Variants in HOMER2 observed in about 807,000 individuals in gnomAD.
HOMER2 encodes the protein homer scaffold protein 2.
A neutral mutation model predicts 47.0 loss-of-function variants in HOMER2; 27 were observed. That is an observed-to-expected ratio of 0.57 (90% CI 0.42 to 0.79). HOMER2 has a LOEUF of 0.79. HOMER2 is among the 30% of genes least tolerant of loss of function. The probability of loss-of-function intolerance (pLI) is 0.00; values close to 1 mark genes in which losing one functional copy is unlikely to be tolerated. For missense variants in HOMER2, 443 were observed against 435.0 expected (o/e 1.02, Z -0.16); for synonymous variants, 161 against 163.8 (o/e 0.98, Z 0.13).
At chr15:82,967,549 C>T (rs1215292901) in intron 1 of HOMER2, among the ~76,000 whole-genome samples, 3 of 152,114 alleles carry the variant, frequency 2.0e-5, no homozygotes, top group Non-Finnish European at 4.4e-5. Flanking sequence ...TGCTGTTCTA[C>T]TTCTGCATAT....
At chr15:82,895,383 G>C (rs73446965) in intron 1 of HOMER2, among the ~76,000 whole-genome samples, 3,021 of 152,260 alleles carry the variant, frequency 0.02, 97 homozygotes, top group African/African-American at 0.065. Flanking sequence ...GAGGCCAGAC[G>C]ACAGGGAGTG....
chr15:82,852,116 G>T, intron 7 of HOMER2, 26 bp downstream of exon 7: 1 of 1,551,164 alleles, frequency 6.4e-7, no homozygotes, highest in African/African-American at 1.4e-5. Context: ...ACGCCAAGGG[G>T]CCCTGCTCGG....
chr15:82,940,159 T>G (rs2151216064), intron 1 of HOMER2, among the ~76,000 whole-genome samples: 1 of 152,130 alleles, frequency 6.6e-6, no homozygotes, highest in South Asian at 2.1e-4. Context: ...ATGGCACATG[T>G]ATACATATGT....
intron 1 of HOMER2, among the ~76,000 whole-genome samples, chr15:82,966,729 A>G (rs1189663353): frequency 6.6e-6 from 1 of 152,232 alleles, no homozygotes; most frequent in Non-Finnish European, 1.5e-5. Flanking sequence ...CATGACTGAC[A>G]TCTACTGCCA....
intron 1 of HOMER2, among the ~76,000 whole-genome samples, chr15:82,932,077 G>A (rs2054025621): frequency 6.6e-6 from 1 of 152,168 alleles, no homozygotes; most frequent in Non-Finnish European, 1.5e-5. Context: ...ACCCAGGCCT[G>A]GGGGGCCTAA....
intron 1 of HOMER2, among the ~76,000 whole-genome samples, chr15:82,921,619 T>C (rs1275254616): frequency 6.6e-6 from 1 of 152,156 alleles, no homozygotes; most frequent in Non-Finnish European, 1.5e-5. Flanking sequence ...GGCAGGAGTA[T>C]CACCTAGTAT....
exon 2 of HOMER2, chr15:82,840,602 C>T (rs889789510): frequency 3.3e-5 from 5 of 152,142 alleles, no homozygotes; most frequent in African/African-American, 7.2e-5. Flanking sequence ...TACAGGCACA[C>T]ACCACCATGC....
chr15:82,946,466 G>A (rs891609292), intron 1 of HOMER2, among the ~76,000 whole-genome samples: 1 of 152,078 alleles, frequency 6.6e-6, no homozygotes, highest in Non-Finnish European at 1.5e-5. Flanking sequence ...AACAAGCCAG[G>A]CATGCCCCTG....
chr15:82,856,372 G>T (rs957251559), intron 5 of HOMER2, among the ~76,000 whole-genome samples: 7 of 152,090 alleles, frequency 4.6e-5, no homozygotes, highest in African/African-American at 1.7e-4. Context: ...CAGCACTTTG[G>T]GAGGCCAAGA....
intron 1 of HOMER2, among the ~76,000 whole-genome samples, chr15:82,906,283 G>C (rs2053283153): frequency 6.6e-6 from 1 of 152,126 alleles, no homozygotes; most frequent in African/African-American, 2.4e-5. Context: ...TTGGAACAAA[G>C]AACACGGGCA....
At chr15:82,921,388 C>T (rs986279110) in intron 1 of HOMER2, among the ~76,000 whole-genome samples, 1 of 152,200 alleles carries the variant, frequency 6.6e-6, no homozygotes, top group Non-Finnish European at 1.5e-5. Flanking sequence ...GGCTCCTCCT[C>T]CCCTTCCGGA....
chr15:82,847,914 T>C (rs2051275364), downstream of HOMER2, among the ~76,000 whole-genome samples: 1 of 152,120 alleles, frequency 6.6e-6, no homozygotes, highest in Non-Finnish European at 1.5e-5. Flanking sequence ...CCAACTGTCC[T>C]GAGAGCCGTC....
At chr15:82,846,821 T>C (rs1324289304), downstream of HOMER2, 1 of 152,254 alleles carries the variant, frequency 6.6e-6, no homozygotes, top group African/African-American at 2.4e-5. Context: ...CTGGTGGTTT[T>C]ACATTCCCCG....
At chr15:82,902,464 G>A (rs2053153553) in intron 1 of HOMER2, among the ~76,000 whole-genome samples, 1 of 152,140 alleles carries the variant, frequency 6.6e-6, no homozygotes, top group Non-Finnish European at 1.5e-5. Flanking sequence ...CCAAAGTGCT[G>A]GGATTACAGG....
chr15:82,860,199 G>C (rs2051731061), intron 4 of HOMER2, among the ~76,000 whole-genome samples: 1 of 152,162 alleles, frequency 6.6e-6, no homozygotes, highest in African/African-American at 2.4e-5. Flanking sequence ...TCGTGCCACT[G>C]CACTCCAGCC....
chr15:82,875,783 C>T (rs1405101214), intron 2 of HOMER2, among the ~76,000 whole-genome samples: 2 of 152,236 alleles, frequency 1.3e-5, no homozygotes, highest in Admixed American at 6.5e-5. Context: ...AAGAACTGCA[C>T]TATGTCGCTT....
Position 82,896,475 on chromosome 15 carries a change from C to G in HOMER2, c.6-3634G>C, listed in dbSNP as rs143245377. Reference sequence around the variant, plus strand: ...AGTCATGGTGAGCTGCCCTCGGGACCCCCAAGTAGAAATGCAACGATGTTG... The same window carrying G: ...AGTCATGGTGAGCTGCCCTCGGGACGCCCAAGTAGAAATGCAACGATGTTG... On this transcript the variant is annotated intron_variant, in intron 1 of 8. Coordinates refer to ENST00000450735, the MANE Select transcript of HOMER2 (RefSeq NM_004839.4). 2.2e-4 allele frequency among the ~76,000 whole-genome samples: 33 copies of G among 152,310 alleles called. No homozygotes were observed. The East Asian group carries it at 6.2e-3, about 29-fold the overall frequency.
chr15:82,940,742 A>C (rs905541595), intron 1 of HOMER2, among the ~76,000 whole-genome samples: 9 of 152,038 alleles, frequency 5.9e-5, no homozygotes, highest in African/African-American at 2.2e-4. Flanking sequence ...TAAAAAAAAA[A>C]ATTAGCTGTG....
At chr15:82,980,017 G>A (rs887058301) in intron 1 of HOMER2, among the ~76,000 whole-genome samples, 2 of 152,120 alleles carry the variant, frequency 1.3e-5, no homozygotes, top group Non-Finnish European at 2.9e-5. Context: ...AGGTTATGGG[G>A]ATACCAACTT....
Sources: gnomAD v4.1 joint callset for allele counts (sites outside exome capture counted in the v4.1 genomes callset) on GRCh38, gnomAD v4.1.1 for gene constraint, MANE v1.5 for transcripts, NCBI Gene and HGNC (gene_info 2026-07-23, HGNC 2026-07-21) for gene names.